FBXL17: variants seen among roughly 807,000 people sequenced by gnomAD.
FBXL17 encodes F-box/LRR-repeat protein 17.
In FBXL17, 22 loss-of-function variants were observed where a neutral mutation model predicts 66.2. The observed-to-expected ratio is 0.33, with a 90% CI of 0.24 to 0.47. FBXL17 has a LOEUF of 0.47. Among genes scored for constraint, FBXL17 ranks in the 20% least tolerant of loss-of-function variants. The pLI is 1.00. For missense variants in FBXL17, 878 were observed against 948.2 expected (o/e 0.93, Z 0.97); for synonymous variants, 474 against 400.5 (o/e 1.18, Z -2.19).
chr5:108,340,934 G>C (rs916721587), intron 4 of FBXL17, among the ~76,000 whole-genome samples: 12 of 152,122 alleles, frequency 7.9e-5, no homozygotes, highest in Admixed American at 7.9e-4. Flanking sequence ...TACCAGTAGA[G>C]AGTGATTTGA....
At chr5:107,913,977 T>TG (rs1400642997) in intron 7 of FBXL17, among the ~76,000 whole-genome samples, 1 of 151,776 alleles carries the variant, frequency 6.6e-6, no homozygotes, top group Non-Finnish European at 1.5e-5. Flanking sequence ...TTATGAGTTT[T>TG]TTTTTTTTTA....
chr5:108,371,064 C>T (rs937462584), intron 1 of FBXL17, among the ~76,000 whole-genome samples: 2 of 152,132 alleles, frequency 1.3e-5, no homozygotes, highest in South Asian at 2.1e-4. Flanking sequence ...AGAGAAAAAG[C>T]TATCTTTCTG....
chr5:108,168,312 G>A (rs1245912661), intron 6 of FBXL17, among the ~76,000 whole-genome samples: 1 of 152,162 alleles, frequency 6.6e-6, no homozygotes, highest in African/African-American at 2.4e-5. Flanking sequence ...AAGGGGAAGG[G>A]TGATCTCATG....
At chr5:108,102,096 AAAG>A (rs1369185142) in intron 6 of FBXL17, among the ~76,000 whole-genome samples, 2 of 152,120 alleles carry the variant, frequency 1.3e-5, no homozygotes, top group Non-Finnish European at 2.9e-5. Flanking sequence ...CTGCCCCAAG[AAAG>A]AAGGATTAAA....
chr5:107,884,788 T>C (rs931176161), intron 7 of FBXL17, among the ~76,000 whole-genome samples: 1 of 152,202 alleles, frequency 6.6e-6, no homozygotes, highest in East Asian at 1.9e-4. Flanking sequence ...ATTTGTCCTG[T>C]CTACTTCATG....
intron 6 of FBXL17, among the ~76,000 whole-genome samples, chr5:108,106,905 T>C (rs1340730729): frequency 6.6e-6 from 1 of 152,126 alleles, no homozygotes; most frequent in East Asian, 1.9e-4. Flanking sequence ...AACCATGGAA[T>C]AGTACACCTT....
rs552085267 is a variant in FBXL17 at position 107,987,557 on chromosome 5, A to G, written c.1822+33368T>C. ...AAAAGGCTCAAGTAGCTCAAGACAC[A>G]CAACTAGTAAGACAGTTTCAGTGGC... is the stretch of plus-strand genomic sequence containing the variant. On this transcript the variant is annotated intron_variant, in intron 7 of 8. Transcript: ENST00000542267. Among the ~76,000 whole-genome samples the G allele has an allele frequency of 9.2e-5, 14 of 152,206 alleles. No homozygotes were observed. The East Asian group carries it at 2.5e-3, about 27-fold the overall frequency.
chr5:108,271,613 G>C (rs4957750), intron 4 of FBXL17, among the ~76,000 whole-genome samples: 42,378 of 152,092 alleles, frequency 0.28, 6,476 homozygotes, highest in Middle Eastern at 0.37. Flanking sequence ...ACATGTTTAT[G>C]AGTTGGGAAA....
At chr5:108,285,255 TCAAGAGAGTTGGA>T (rs937836235) in intron 4 of FBXL17, among the ~76,000 whole-genome samples, 1 of 151,838 alleles carries the variant, frequency 6.6e-6, no homozygotes, top group Non-Finnish European at 1.5e-5. Context: ...TCAAAGTCAT[TCAAGAGAGTTGGA>T]ATAAACTTCC....
In FBXL17 at chr5:108,294,573, C is replaced by A. The variant is rs193115217; in HGVS notation, c.1506+53826G>T. 2.3e-3 allele frequency among the ~76,000 whole-genome samples: 355 copies of A among 151,978 alleles called. 1 individual carries two copies. Among genetic ancestry groups the A allele is most frequent in the African/African-American group, 8.4e-3 (347 of 41,486 alleles). On this transcript the variant is annotated intron_variant, in intron 4 of 8. Coordinates refer to ENST00000542267, the MANE Select transcript of FBXL17 (RefSeq NM_001163315.3). ...GGCTTTTAAACTTCATCTTACAATG[C>A]CAAGCAAAGAATAAAAATCTCAAAC...
At position 107,899,237 on chromosome 5, in the gene FBXL17, T is replaced by C. The variant is rs933777289; in HGVS notation, c.1823-18058A>G. Among the ~76,000 whole-genome samples the C allele has an allele frequency of 3.9e-4, 59 of 152,232 alleles. 1 individual carries two copies. Among genetic ancestry groups the C allele is most frequent in the Non-Finnish European group, 1.3e-4 (9 of 68,034 alleles). ...AATGACTTTTCTCTATTTACTTCAT[T>C]GTAAGAACACAGTGTACAATACATA... On this transcript the variant is annotated intron_variant, in intron 7 of 8. Coordinates refer to ENST00000542267, the MANE Select transcript of FBXL17 (RefSeq NM_001163315.3).
chr5:108,157,955 G>A (rs1167345372), intron 6 of FBXL17, among the ~76,000 whole-genome samples: 1 of 151,556 alleles, frequency 6.6e-6, no homozygotes, highest in African/African-American at 2.4e-5. Flanking sequence ...AAGAAAAGAG[G>A]GAAAGTTCAC....
intron 6 of FBXL17, among the ~76,000 whole-genome samples, chr5:108,089,233 T>C (rs1749095754): frequency 6.6e-6 from 1 of 152,228 alleles, no homozygotes; most frequent in African/African-American, 2.4e-5. Flanking sequence ...CAGTTAGAAT[T>C]TGTGCCCCTT....
chr5:108,140,527 A>G (rs1195445421), intron 6 of FBXL17, among the ~76,000 whole-genome samples: 1 of 152,024 alleles, frequency 6.6e-6, no homozygotes, highest in East Asian at 1.9e-4. Flanking sequence ...CAAATGATTC[A>G]TCCTCTTCAT....
intron 4 of FBXL17, among the ~76,000 whole-genome samples, chr5:108,271,597 A>G (rs1561499071): frequency 6.6e-6 from 1 of 152,224 alleles, no homozygotes; most frequent in Non-Finnish European, 1.5e-5. Context: ...ATACTGGTGG[A>G]TTAATACATG....
intron 5 of FBXL17, among the ~76,000 whole-genome samples, chr5:108,213,787 C>T (rs1045816694): frequency 6.6e-6 from 1 of 152,214 alleles, no homozygotes; most frequent in Non-Finnish European, 1.5e-5. Context: ...CAATCTAATA[C>T]GTGTGTGGTG....
At chr5:108,186,781 A>C (rs1229952624) in intron 5 of FBXL17, among the ~76,000 whole-genome samples, 1 of 152,016 alleles carries the variant, frequency 6.6e-6, no homozygotes, top group African/African-American at 2.4e-5. Context: ...AAAAGAAAAA[A>C]AAAAAAAAGA....
intron 3 of FBXL17, among the ~76,000 whole-genome samples, chr5:108,356,132 T>G (rs1747971394): frequency 6.6e-6 from 1 of 151,966 alleles, no homozygotes; most frequent in African/African-American, 2.4e-5. Flanking sequence ...ATGTTATCAG[T>G]GATAAAGGGG....
chr5:107,981,238 T>C (rs976474927), intron 7 of FBXL17, among the ~76,000 whole-genome samples: 3 of 152,182 alleles, frequency 2.0e-5, no homozygotes, highest in Admixed American at 2.0e-4. Flanking sequence ...GCTAAGTACA[T>C]GGAGAACCAG....
Sources: allele counts gnomAD v4.1 joint callset (sites outside exome capture counted in the v4.1 genomes callset), GRCh38; gene constraint gnomAD v4.1.1; transcripts MANE v1.5; gene names NCBI Gene and HGNC (gene_info 2026-07-23, HGNC 2026-07-21).